The following STK4 variants were observed in gnomAD, a reference collection of about 807,000 sequenced individuals.
STK4 encodes the protein serine/threonine kinase 4, also known as serine/threonine-protein kinase 4.
In STK4, 30 loss-of-function variants were observed where a neutral mutation model predicts 64.9. The ratio of observed to expected loss-of-function variants is 0.46; its 90% confidence interval spans 0.35 to 0.63. The LOEUF is 0.63. Ranked by LOEUF, STK4 falls within the 20% of genes least tolerant of loss-of-function variation. The probability of loss-of-function intolerance (pLI) is 0.01; values close to 1 mark genes in which losing one functional copy is unlikely to be tolerated. For missense variants in STK4, 466 were observed against 598.5 expected (o/e 0.78, Z 2.31); for synonymous variants, 177 against 199.0 (o/e 0.89, Z 0.93).
chr20:44,980,032 G>A (rs188214192), intron 3 of STK4, among the ~76,000 whole-genome samples: 11 of 152,278 alleles, frequency 7.2e-5, no homozygotes, highest in African/African-American at 2.4e-4. Context: ...AGCACTGTAA[G>A]GAATACAGTG....
Position 45,028,929 on chromosome 20 carries a change from G to A in STK4, c.1305+3799G>A, listed in dbSNP as rs1486317488. On this transcript the variant is annotated intron_variant, in intron 10 of 10. Transcript: ENST00000372806. ...TATTTTGGAAGTAGATGACTTCTAG[G>A]GGGAGTGGGCCCATGGTGCACAGTG... 4.9e-4 allele frequency among the ~76,000 whole-genome samples: 75 copies of A among 152,218 alleles called. 1 individual carries two copies. The highest frequency in any genetic ancestry group is 4.4e-5 in the Non-Finnish European group (3 of 68,004).
chr20:45,010,984 G>A (rs988700034), intron 9 of STK4, among the ~76,000 whole-genome samples: 4 of 152,160 alleles, frequency 2.6e-5, no homozygotes, highest in Non-Finnish European at 5.9e-5. Flanking sequence ...ATTAAGGTGG[G>A]ATTTGATTGA....
intron 5 of STK4, among the ~76,000 whole-genome samples, chr20:44,988,541 A>ATGTG (rs1464378385): frequency 0.024 from 3,013 of 123,570 alleles, 72 homozygotes; most frequent in Non-Finnish European, 0.033. Context: ...GTGTATATAT[A>ATGTG]TATATATATA....
rs1980428935 is a variant in STK4, at chr20:45,075,329, T to C, written c.*153T>C. The C allele has an allele frequency of 1.0e-6, 1 of 973,572 alleles. No homozygotes were observed. Among genetic ancestry groups the C allele is most frequent in the African/African-American group, 1.6e-5 (1 of 61,030 alleles). 60.3% of individuals were successfully genotyped at this position (973,572 alleles called of 1,614,324 possible). On this transcript the variant is annotated 3_prime_UTR_variant, in exon 11 of 11. Transcript: ENST00000372806. ...ATGTGCGCCAGTGGGAAGGGCTCTC[T>C]TGACAGTCAGCGTGCCATCTTGATG...
At chr20:44,987,103 A>G (rs773440840) in intron 4 of STK4, 29 bp from the exon 5 acceptor site, 3 of 1,552,832 alleles carry the variant, frequency 1.9e-6, no homozygotes, top group Non-Finnish European at 2.6e-6. Context: ...GTAAACTGAT[A>G]GAATTTGAAC....
intron 10 of STK4, among the ~76,000 whole-genome samples, chr20:45,066,181 TACACACAC>T (rs11472596): frequency 3.4e-4 from 50 of 147,618 alleles, no homozygotes; most frequent in Middle Eastern, 6.9e-3. Context: ...ATTATATATC[TACACACAC>T]ACACACACAC....
At chr20:45,012,099 G>A (rs957481113) in intron 9 of STK4, among the ~76,000 whole-genome samples, 36 of 150,392 alleles carry the variant, frequency 2.4e-4, no homozygotes, top group Admixed American at 1.5e-3. Flanking sequence ...GCAGTGGCGC[G>A]ATCTCAGCTC....
At chr20:45,001,532 C>T (rs6103957) in intron 9 of STK4, among the ~76,000 whole-genome samples, 179 bp downstream of exon 9, 2 of 152,104 alleles carry the variant, frequency 1.3e-5, no homozygotes, top group Non-Finnish European at 2.9e-5. Flanking sequence ...GAAAGCTGGC[C>T]TGTGGAGTCA....
At chr20:44,980,768 A>G (rs1258812875) in intron 3 of STK4, among the ~76,000 whole-genome samples, 1 of 151,940 alleles carries the variant, frequency 6.6e-6, no homozygotes, top group African/African-American at 2.4e-5. Flanking sequence ...TCCTGGGTTC[A>G]TGCCATTCTC....
In STK4 at chr20:45,017,529, C is replaced by T. The variant is rs2299975; in HGVS notation, c.1148-7444C>T. Among the ~76,000 whole-genome samples the T allele has an allele frequency of 0.5, 76,583 of 151,914 alleles. 20,091 individuals are homozygous for T. The highest frequency in any genetic ancestry group is 0.62 in the African/African-American group (25,485 of 41,432). ...ATGTGTTTTCATTATTCAGGTTGGC[C>T]GAAGCAGATGTGGGTGTTGACTGGA... On this transcript the variant is annotated intron_variant, in intron 9 of 10. Transcript: ENST00000372806.
At chr20:45,015,286 T>C (rs2068121017) in intron 9 of STK4, among the ~76,000 whole-genome samples, 1 of 152,212 alleles carries the variant, frequency 6.6e-6, no homozygotes, top group Non-Finnish European at 1.5e-5. Flanking sequence ...CAGAGCCTAT[T>C]TTCTTTCCAT....
At chr20:45,073,969 C>T (rs1980302075) in intron 10 of STK4, among the ~76,000 whole-genome samples, 1 of 152,228 alleles carries the variant, frequency 6.6e-6, no homozygotes, top group Admixed American at 6.5e-5. Flanking sequence ...AGATTGGTAA[C>T]TTGACAGAGT....
chr20:45,058,101 C>T (rs940963568), intron 10 of STK4, among the ~76,000 whole-genome samples: 13 of 151,426 alleles, frequency 8.6e-5, no homozygotes, highest in African/African-American at 3.2e-4. Flanking sequence ...CTACCCCTAT[C>T]TAGACCTATT....
chr20:45,070,084 A>G (rs1355962903), intron 10 of STK4, among the ~76,000 whole-genome samples: 1 of 152,178 alleles, frequency 6.6e-6, no homozygotes, highest in Non-Finnish European at 1.5e-5. Flanking sequence ...TCTGTAGGCC[A>G]CTGAGGCTGG....
chr20:45,060,661 G>A (rs149043892), intron 10 of STK4, among the ~76,000 whole-genome samples: 9 of 152,290 alleles, frequency 5.9e-5, no homozygotes, highest in African/African-American at 1.2e-4. Context: ...GTAAGATGAG[G>A]GGTAAGAGCA....
intron 10 of STK4, among the ~76,000 whole-genome samples, chr20:45,052,083 A>G (rs1419735792): frequency 6.6e-6 from 1 of 152,220 alleles, no homozygotes. Flanking sequence ...CCTTTAGGAC[A>G]ATGGTCCTTA....
At chr20:44,972,781 C>A (rs1218241503) in intron 2 of STK4, 1 of 151,888 alleles carries the variant, frequency 6.6e-6, no homozygotes, top group Non-Finnish European at 1.5e-5. Flanking sequence ...TTTATTCCTT[C>A]TTCTGTAATG....
intron 10 of STK4, among the ~76,000 whole-genome samples, chr20:45,033,266 CTTTAG>C (rs2068474466): frequency 6.6e-6 from 1 of 152,142 alleles, no homozygotes; most frequent in Non-Finnish European, 1.5e-5. Context: ...TTCAGAAGCT[CTTTAG>C]TTTAATTAGA....
intron 2 of STK4, chr20:44,973,101 A>G (rs1055262082): frequency 7.9e-5 from 12 of 152,154 alleles, no homozygotes; most frequent in African/African-American, 2.9e-4. Context: ...TGACATACTA[A>G]CTTGTAAAAA....
Sources: gnomAD v4.1 joint callset for allele counts (sites outside exome capture counted in the v4.1 genomes callset) on GRCh38, gnomAD v4.1.1 for gene constraint, MANE v1.5 for transcripts, NCBI Gene and HGNC (gene_info 2026-07-23, HGNC 2026-07-21) for gene names.